Variants in CACNA2D1 observed in about 807,000 individuals in gnomAD.
CACNA2D1 encodes the protein voltage-dependent calcium channel subunit alpha-2/delta-1.
A neutral mutation model predicts 171.5 loss-of-function variants in CACNA2D1; 53 were observed. The ratio of observed to expected loss-of-function variants is 0.31; its 90% CI spans 0.25 to 0.39. CACNA2D1 has a LOEUF of 0.39. Among genes scored for constraint, CACNA2D1 ranks in the 10% least tolerant of loss-of-function variants. CACNA2D1 has a pLI of 1.00. For synonymous variants in CACNA2D1, 442 were observed against 443.1 expected (o/e 1.00, Z 0.03); for missense variants, 903 against 1,299.8 (o/e 0.69, Z 4.69).
chr7:82,250,221 T>C (rs946259158), intron 3 of CACNA2D1, among the ~76,000 whole-genome samples: 2 of 152,200 alleles, frequency 1.3e-5, no homozygotes, highest in South Asian at 2.1e-4. Context: ...CAGTGCTACA[T>C]TGGGAATTAA....
intron 10 of CACNA2D1, among the ~76,000 whole-genome samples, chr7:82,055,809 T>C (rs1805787916): frequency 6.9e-6 from 1 of 144,736 alleles, no homozygotes; most frequent in Admixed American, 6.8e-5. Flanking sequence ...ATATACCTAA[T>C]GCTAAATGAC....
rs141954446 is a variant in CACNA2D1 at position 82,045,250 on chromosome 7, TAAATAA to T, written c.880-7021_880-7016del. Among the ~76,000 whole-genome samples, 1,100 of 152,274 alleles carry T rather than the reference TAAATAA, an allele frequency of 7.2e-3. 13 individuals are homozygous for T. The highest frequency in any genetic ancestry group is 0.025 in the African/African-American group (1,045 of 41,570). On this transcript the variant is annotated intron_variant, in intron 10 of 38. Coordinates refer to ENST00000356860, the MANE Select transcript of CACNA2D1 (RefSeq NM_000722.4). ...TTCCCATTTTTTATTTGCTGAACTG[TAAATAA>T]AAATATTTCAATATTTTAACTATTT...
intron 3 of CACNA2D1, among the ~76,000 whole-genome samples, chr7:82,324,390 T>TC (rs1177282681): frequency 2.2e-5 from 2 of 90,370 alleles, no homozygotes. Context: ...AGGAGTTGTT[T>TC]TAAAAAAAAA....
At chr7:82,358,153 G>GTC (rs1292957036) in intron 1 of CACNA2D1, among the ~76,000 whole-genome samples, 3 of 152,208 alleles carry the variant, frequency 2.0e-5, no homozygotes, top group Admixed American at 2.0e-4. Context: ...TATTTCAAAA[G>GTC]TCTAGTGTTC....
intron 2 of CACNA2D1, among the ~76,000 whole-genome samples, chr7:82,343,733 C>T (rs1271836949): frequency 6.6e-6 from 1 of 152,014 alleles, no homozygotes; most frequent in Non-Finnish European, 1.5e-5. Context: ...AATTTGAATA[C>T]ACATTTTGGC....
rs987820492 is a variant in CACNA2D1, at chr7:82,185,593, T to C, written c.295-14984A>G. 5.0e-5 allele frequency among the ~76,000 whole-genome samples: 7 copies of C among 138,792 alleles called. No homozygotes were observed. In the South Asian group the frequency reaches 9.6e-4, roughly 19 times the overall value. The allele number at this position is 138,792 out of a possible 152,430, so 91.1% of individuals were successfully genotyped here. A position where few individuals can be genotyped will look rare whatever the true frequency, so the allele number is the denominator to read the frequency against. On this transcript the variant is annotated intron_variant, in intron 3 of 38. Coordinates refer to ENST00000356860, the MANE Select transcript of CACNA2D1 (RefSeq NM_000722.4). ...GGAGAAGAAAAGACCAAAAGTGCAG[T>C]GTAAGGGTAGGAATTCCTCTTCAGA...
chr7:82,103,425 T>G (rs934195415), intron 6 of CACNA2D1, among the ~76,000 whole-genome samples: 2 of 152,206 alleles, frequency 1.3e-5, no homozygotes, highest in African/African-American at 2.4e-5. Context: ...GTTGAAAGTC[T>G]TGAAAGGCAG....
At chr7:82,412,099 T>C (rs1827733644) in intron 1 of CACNA2D1, among the ~76,000 whole-genome samples, 1 of 152,040 alleles carries the variant, frequency 6.6e-6, no homozygotes, top group Non-Finnish European at 1.5e-5. Flanking sequence ...GGCCTGTATA[T>C]ATACTTCAAA....
chr7:82,094,235 G>T (rs1322822355), intron 6 of CACNA2D1, among the ~76,000 whole-genome samples: 2 of 115,100 alleles, frequency 1.7e-5, no homozygotes, highest in African/African-American at 4.2e-5. Context: ...GCTTCAGAAT[G>T]AAAAGAAAAA....
In CACNA2D1 at chr7:82,265,416, C is replaced by CTTTTTTT. The variant is rs765047961; in HGVS notation, c.294+69712_294+69718dup. 2.5e-3 allele frequency among the ~76,000 whole-genome samples: 196 copies of CTTTTTTT among 76,974 alleles called. 13 individuals are homozygous for CTTTTTTT. Among genetic ancestry groups the CTTTTTTT allele is most frequent in the Middle Eastern group, 0.024 (2 of 82 alleles). 50.5% of individuals were successfully genotyped at this position (76,974 alleles called of 152,430 possible). A position where few individuals can be genotyped will look rare whatever the true frequency, so the allele number is the denominator to read the frequency against. On this transcript the variant is annotated intron_variant, in intron 3 of 38. Coordinates refer to ENST00000356860, the MANE Select transcript of CACNA2D1 (RefSeq NM_000722.4). ...TATGCATATTAACAATTTTTCCTTT[C>CTTTTTTT]TTTTTTTTTTTTTTTTTTTTTGGTG...
At chr7:82,373,985 T>C (rs562023174) in intron 1 of CACNA2D1, among the ~76,000 whole-genome samples, 1 of 152,322 alleles carries the variant, frequency 6.6e-6, no homozygotes, top group South Asian at 2.1e-4. Flanking sequence ...TGGAAGGCTA[T>C]TTAACAAAAG....
chr7:82,045,695 A>G (rs1377642765), intron 10 of CACNA2D1, among the ~76,000 whole-genome samples: 3 of 152,186 alleles, frequency 2.0e-5, no homozygotes, highest in Non-Finnish European at 4.4e-5. Flanking sequence ...TTTAATATGA[A>G]TAATTTTAAA....
intron 2 of CACNA2D1, among the ~76,000 whole-genome samples, chr7:82,345,627 A>G (rs968839506): frequency 6.6e-6 from 1 of 151,940 alleles, no homozygotes; most frequent in Non-Finnish European, 1.5e-5. Context: ...AATGTTATCT[A>G]TTCATAAATA....
At chr7:82,329,418 C>T (rs544889527) in intron 3 of CACNA2D1, among the ~76,000 whole-genome samples, 47 of 152,192 alleles carry the variant, frequency 3.1e-4, no homozygotes, top group African/African-American at 1.0e-3. Context: ...AACCTTGATC[C>T]TATTTTCTTT....
chr7:82,011,959 A>C, intron 15 of CACNA2D1, 195 bp downstream of exon 15: 2 of 566,764 alleles, frequency 3.5e-6, no homozygotes, highest in Non-Finnish European at 6.3e-6. Flanking sequence ...AACACTTTGC[A>C]TTTGTAGTTT....
chr7:82,283,871 A>G (rs888319834), intron 3 of CACNA2D1, among the ~76,000 whole-genome samples: 20 of 152,298 alleles, frequency 1.3e-4, no homozygotes, highest in African/African-American at 4.6e-4. Context: ...ACTATTTGGA[A>G]AGAAAAATAA....
In CACNA2D1 at chr7:81,961,896, G is replaced by A; in HGVS notation, c.2964C>T (p.Ser988=). 1 of 1,605,584 alleles carries A rather than the reference G, an allele frequency of 6.2e-7. No individual in the cohort carries two copies. The highest frequency in any genetic ancestry group is 8.5e-7 in the Non-Finnish European group (1 of 1,173,022). ...FSGVLDCGNC[S]RIFHGEKLMN... The stretch of plus-strand genomic sequence containing the variant: ...TACTCCTGAAATAAATAAATTACCT[G>A]GAACAGTTTCCACAGTCTAATACAC... The change falls in exon 36 of 39, where the codon TCC becomes TCT. Residue 988 remains serine (S), a splice_region_variant and synonymous_variant. Coordinates refer to ENST00000356860, the MANE Select transcript of CACNA2D1 (RefSeq NM_000722.4).
At chr7:82,291,662 T>TATA (rs574414018) in intron 3 of CACNA2D1, among the ~76,000 whole-genome samples, 1 of 125,694 alleles carries the variant, frequency 8.0e-6, no homozygotes, top group East Asian at 2.0e-4. Flanking sequence ...TATATATATA[T>TATA]TTTTTTTTCT....
chr7:82,363,101 A>C (rs1821258635), intron 1 of CACNA2D1, among the ~76,000 whole-genome samples: 1 of 152,050 alleles, frequency 6.6e-6, no homozygotes, highest in Admixed American at 6.6e-5. Flanking sequence ...TGAAATGCCT[A>C]AGTTATAAAA....
Sources: gnomAD v4.1 joint callset for allele counts (sites outside exome capture counted in the v4.1 genomes callset) on GRCh38, gnomAD v4.1.1 for gene constraint, MANE v1.5 for transcripts, NCBI Gene and HGNC (gene_info 2026-07-23, HGNC 2026-07-21) for gene names.